The following ZC3H12B variants were observed in gnomAD, a reference collection of about 807,000 sequenced individuals.
The protein encoded by ZC3H12B is probable ribonuclease ZC3H12B.
Under a neutral mutation model 43.9 loss-of-function variants are expected in ZC3H12B, and 7 were observed. The observed-to-expected ratio is 0.16, with a 90% confidence interval of 0.09 to 0.30. The LOEUF is 0.30. Ranked by LOEUF, ZC3H12B falls within the 10% of genes least tolerant of loss-of-function variation. The probability of loss-of-function intolerance (pLI) is 1.00; values close to 1 mark genes in which losing one functional copy is unlikely to be tolerated. For missense variants in ZC3H12B, 475 were observed against 670.2 expected (o/e 0.71, Z 3.22); for synonymous variants, 222 against 241.7 (o/e 0.92, Z 0.76).
At chrX:65,069,654 A>G in the ZC3H12B span, among the ~76,000 whole-genome samples, 3 of 111,982 alleles carry the variant, frequency 2.7e-5, no homozygotes, top group Non-Finnish European at 5.6e-5. Flanking sequence ...AGTTTTTAAC[A>G]TGAAGCAATG....
intron 3 of ZC3H12B, among the ~76,000 whole-genome samples, chrX:65,454,458 G>T (rs2067574404): frequency 8.9e-6 from 1 of 112,286 alleles, no homozygotes. Context: ...GCCGAGGCTT[G>T]AGTAGGTAAA....
At chrX:65,307,891 T>C in the ZC3H12B span, among the ~76,000 whole-genome samples, 1 of 112,203 alleles carries the variant, frequency 8.9e-6, no homozygotes, top group Non-Finnish European at 1.9e-5. Flanking sequence ...TGATTTCTTG[T>C]AAGAAGCAGT....
the ZC3H12B span, among the ~76,000 whole-genome samples, chrX:65,171,019 G>A: frequency 8.9e-6 from 1 of 111,751 alleles, no homozygotes; most frequent in African/African-American, 3.3e-5. Context: ...ATTACCGATT[G>A]TGTGAAGCCT....
chrX:65,374,218 T>C (rs7886825), intron 2 of ZC3H12B, among the ~76,000 whole-genome samples: 5,548 of 83,584 alleles, frequency 0.066, 727 homozygotes, highest in African/African-American at 0.26. Flanking sequence ...TAGTTATATA[T>C]GTACTCTATA....
At chrX:65,169,497 G>A in the ZC3H12B span, among the ~76,000 whole-genome samples, 1 of 112,038 alleles carries the variant, frequency 8.9e-6, no homozygotes, top group Non-Finnish European at 1.9e-5. Flanking sequence ...GTGCTGAGAA[G>A]AATGTATATT....
intron 2 of ZC3H12B, among the ~76,000 whole-genome samples, chrX:65,374,099 CTATA>C (rs1157461822): frequency 1.2e-4 from 7 of 56,307 alleles, no homozygotes; most frequent in Non-Finnish European, 1.9e-4. Context: ...ATATATATAA[CTATA>C]TATAGGTTAT....
the ZC3H12B span, among the ~76,000 whole-genome samples, chrX:65,129,960 T>G: frequency 9.0e-6 from 1 of 111,091 alleles, no homozygotes; most frequent in Non-Finnish European, 1.9e-5. Context: ...TTGTATGAAT[T>G]GAGAAACTAA....
intron 3 of ZC3H12B, among the ~76,000 whole-genome samples, chrX:65,422,808 G>C (rs1022262040): frequency 9.2e-6 from 1 of 108,694 alleles, no homozygotes; most frequent in Non-Finnish European, 1.9e-5. Context: ...TCCTGTGTTA[G>C]TTTTCTGAGA....
intron 3 of ZC3H12B, among the ~76,000 whole-genome samples, chrX:65,401,577 C>T (rs763179406): frequency 8.9e-6 from 1 of 111,975 alleles, no homozygotes; most frequent in Non-Finnish European, 1.9e-5. Context: ...TGGGAGGCCA[C>T]ATGATCTACT....
At chrX:65,276,182 A>T in the ZC3H12B span, among the ~76,000 whole-genome samples, 1 of 111,963 alleles carries the variant, frequency 8.9e-6, no homozygotes, top group Non-Finnish European at 1.9e-5. Flanking sequence ...GAATTAAGAA[A>T]GCCTACAGGA....
the ZC3H12B span, among the ~76,000 whole-genome samples, chrX:65,153,416 G>A: frequency 2.1e-4 from 23 of 110,866 alleles, no homozygotes; most frequent in East Asian, 2.8e-4. Context: ...AAAAGTGGGC[G>A]AAAGACATGA....
the ZC3H12B span, among the ~76,000 whole-genome samples, chrX:65,348,052 G>A: frequency 1.8e-5 from 2 of 109,039 alleles, no homozygotes; most frequent in African/African-American, 6.7e-5. Context: ...TTGGACACAG[G>A]AAGGGGAATA....
rs575443360 is a variant in ZC3H12B, at chrX:65,383,572, G to A, written n.295+14574G>A. On this transcript the variant is annotated intron_variant and non_coding_transcript_variant, in intron 2 of 5. Transcript: ENST00000617377. Reference sequence around the variant, plus strand: ...GGACTTCATGTCTAAAACACCAAAAGCAATGGCAACAAAAGCCAAAATTGA... The same window carrying A: ...GGACTTCATGTCTAAAACACCAAAAACAATGGCAACAAAAGCCAAAATTGA... Among the ~76,000 whole-genome samples the A allele has an allele frequency of 4.3e-4, 48 of 111,518 alleles. No individual in the cohort carries two copies. The South Asian group carries it at 0.011, about 25-fold the overall frequency.
chrX:65,331,727 G>T, the ZC3H12B span, among the ~76,000 whole-genome samples: 1 of 110,914 alleles, frequency 9.0e-6, no homozygotes, highest in Non-Finnish European at 1.9e-5. Context: ...TAAGCAAGGG[G>T]TGTATTATTC....
intron 3 of ZC3H12B, among the ~76,000 whole-genome samples, chrX:65,435,644 GGATAGATAGATA>G (rs34975614): frequency 0.01 from 989 of 94,387 alleles, 6 homozygotes; most frequent in African/African-American, 0.017. Context: ...AGAACCAATA[GGATAGATAGATA>G]GATAGATAGA....
the ZC3H12B span, among the ~76,000 whole-genome samples, chrX:65,183,571 T>C: frequency 2.0e-3 from 221 of 111,901 alleles, no homozygotes; most frequent in Non-Finnish European, 3.2e-3. Flanking sequence ...AAATTATACA[T>C]ATATGAAGAA....
the ZC3H12B span, among the ~76,000 whole-genome samples, chrX:65,215,797 G>A: frequency 2.7e-5 from 3 of 111,677 alleles, no homozygotes; most frequent in Non-Finnish European, 3.8e-5. Flanking sequence ...AAGTGTAATC[G>A]TCTCTAGCCT....
chrX:65,037,685 T>C, the ZC3H12B span, among the ~76,000 whole-genome samples: 1 of 111,301 alleles, frequency 9.0e-6, no homozygotes, highest in East Asian at 2.8e-4. Flanking sequence ...TCTAAGTGTT[T>C]CATACAACAC....
chrX:65,305,191 T>C, the ZC3H12B span, among the ~76,000 whole-genome samples: 1 of 111,853 alleles, frequency 8.9e-6, no homozygotes, highest in Non-Finnish European at 1.9e-5. Context: ...AGGGATTAAG[T>C]ACTATTTAGT....
Sources: allele counts gnomAD v4.1 joint callset (sites outside exome capture counted in the v4.1 genomes callset), GRCh38; gene constraint gnomAD v4.1.1; transcripts MANE v1.5; gene names NCBI Gene and HGNC (gene_info 2026-07-23, HGNC 2026-07-21).